NCAM1: variants seen among roughly 807,000 people sequenced by gnomAD.
The protein encoded by NCAM1 is neural cell adhesion molecule 1.
NCAM1 carries 14 observed loss-of-function variants against 109.8 expected under a neutral mutation model. That is an observed-to-expected ratio of 0.13 (90% CI 0.08 to 0.20). The LOEUF is 0.20. Ranked by LOEUF, NCAM1 falls within the 10% of genes least tolerant of loss-of-function variation. The probability of loss-of-function intolerance (pLI) is 1.00; values close to 1 mark genes in which losing one functional copy is unlikely to be tolerated. For missense variants in NCAM1, 774 were observed against 1,109.9 expected (o/e 0.70, Z 4.30); for synonymous variants, 418 against 442.9 (o/e 0.94, Z 0.70).
At chr11:113,142,010 G>A (rs1228721818) in intron 1 of NCAM1, among the ~76,000 whole-genome samples, 1 of 152,138 alleles carries the variant, frequency 6.6e-6, no homozygotes, top group Non-Finnish European at 1.5e-5. Context: ...AAGCTTAACT[G>A]TTTTGACAAA....
At chr11:113,024,798 C>T (rs1952488578) in intron 1 of NCAM1, among the ~76,000 whole-genome samples, 1 of 151,924 alleles carries the variant, frequency 6.6e-6, no homozygotes, top group South Asian at 2.1e-4. Context: ...ATTTTTTTGT[C>T]TAAAAATGCA....
At chr11:113,265,450 G>A (rs1409045937) in intron 17 of NCAM1, among the ~76,000 whole-genome samples, 1 of 152,162 alleles carries the variant, frequency 6.6e-6, no homozygotes, top group Non-Finnish European at 1.5e-5. Flanking sequence ...AACTGGGGAG[G>A]TGGTCACTAT....
Position 113,129,458 on chromosome 11 carries a change from A to AT in NCAM1, c.53-72913dup, listed in dbSNP as rs146536146. On this transcript the variant is annotated intron_variant, in intron 1 of 19. Transcript: ENST00000316851. ...AGGGACTCTATAGACAAGGACCTGT[A>AT]TTTTTTTTATGCCAGTAACAGTGAC... Among the ~76,000 whole-genome samples the AT allele has an allele frequency of 7.7e-3, 1,171 of 152,062 alleles. 14 individuals are homozygous for AT. Among genetic ancestry groups the AT allele is most frequent in the African/African-American group, 0.027 (1,100 of 41,496 alleles).
chr11:113,262,557 G>A (rs1169834020), intron 17 of NCAM1, among the ~76,000 whole-genome samples: 2 of 152,168 alleles, frequency 1.3e-5, no homozygotes, highest in Non-Finnish European at 1.5e-5. Context: ...TTCTGAACTG[G>A]CCTTATGGTA....
chr11:113,178,597 GACAA>G lies in NCAM1; in HGVS notation c.53-23778_53-23775del, dbSNP rs1943240660. ...ATGCTCTGCTTTTTTGCAAGTTTCT[GACAA>G]ACAGCCTGGTTTCTGGCAGATGGAG... On this transcript the variant is annotated intron_variant, in intron 1 of 19. Transcript: ENST00000316851. Among the ~76,000 whole-genome samples, 6 of 152,322 alleles carry G rather than the reference GACAA, an allele frequency of 3.9e-5. No individual in the cohort carries two copies. The South Asian group carries it at 1.2e-3, about 32-fold the overall frequency.
Position 113,235,168 on chromosome 11 carries a change from A to T in NCAM1, c.1825+4A>T. ...GAGTTCAAGACGCAGCCAGTCCGTA[A>T]GTAAAGCCAGCTGCCCCCCTTTTCC... On this transcript the variant is annotated splice_donor_region_variant and intron_variant, in intron 14 of 19. Coordinates refer to ENST00000316851, the MANE Select transcript of NCAM1 (RefSeq NM_181351.5). The T allele has an allele frequency of 6.2e-7, 1 of 1,613,946 alleles. No individual in the cohort carries two copies. Among genetic ancestry groups the T allele is most frequent in the Non-Finnish European group, 8.5e-7 (1 of 1,179,858 alleles).
At chr11:113,216,007 T>C (rs2137035364) in intron 8 of NCAM1, among the ~76,000 whole-genome samples, 1 of 152,326 alleles carries the variant, frequency 6.6e-6, no homozygotes, top group Middle Eastern at 3.4e-3. Flanking sequence ...AATATCTATC[T>C]CAGATGAATG....
chr11:113,059,191 A>T (rs1953829819), intron 1 of NCAM1, among the ~76,000 whole-genome samples: 2 of 152,208 alleles, frequency 1.3e-5, no homozygotes. Flanking sequence ...GTAAAATAGT[A>T]TAAATTAAAC....
intron 1 of NCAM1, among the ~76,000 whole-genome samples, chr11:113,009,331 T>TTTTTTTTTTTTTTTTTG (rs1565379756): frequency 7.3e-6 from 1 of 136,616 alleles, no homozygotes. Flanking sequence ...TTTTTTTTTT[T>TTTTTTTTTTTTTTTTTG]TTTTTTTTTT....
intron 1 of NCAM1, among the ~76,000 whole-genome samples, chr11:113,120,085 G>A (rs1385939296): frequency 6.6e-6 from 1 of 152,204 alleles, no homozygotes; most frequent in Non-Finnish European, 1.5e-5. Flanking sequence ...TCTCTCAGTT[G>A]TCTAAGAAGA....
chr11:113,213,505 C>T (rs1944445883), intron 7 of NCAM1, among the ~76,000 whole-genome samples: 1 of 152,328 alleles, frequency 6.6e-6, no homozygotes, highest in South Asian at 2.1e-4. Flanking sequence ...GAGCCCCCAT[C>T]CAGTTCCTTG....
chr11:113,017,561 C>T (rs1451446079), intron 1 of NCAM1, among the ~76,000 whole-genome samples: 1 of 151,676 alleles, frequency 6.6e-6, no homozygotes, highest in Non-Finnish European at 1.5e-5. Context: ...CGAAAACATC[C>T]TTCACTTCTG....
chr11:113,260,024 T>G, intron 16 of NCAM1, 122 bp from the exon 17 acceptor site: 1 of 872,764 alleles, frequency 1.1e-6, no homozygotes, highest in Non-Finnish European at 1.7e-6. Flanking sequence ...CTTCTTATTT[T>G]CATGATTTCA....
intron 1 of NCAM1, among the ~76,000 whole-genome samples, chr11:113,071,164 T>C (rs548703470): frequency 6.6e-6 from 1 of 152,206 alleles, no homozygotes; most frequent in African/African-American, 2.4e-5. Flanking sequence ...ATGACAGGTG[T>C]TGGTATGACT....
intron 9 of NCAM1, 148 bp downstream of exon 9, chr11:113,221,473 G>C (rs1944692649): frequency 1.3e-6 from 1 of 791,028 alleles, no homozygotes; most frequent in African/African-American, 1.7e-5. Flanking sequence ...CTTAGCAATA[G>C]TATCATTTTA....
intron 1 of NCAM1, among the ~76,000 whole-genome samples, chr11:113,029,110 G>A (rs17114705): frequency 0.19 from 28,595 of 152,078 alleles, 3,032 homozygotes; most frequent in East Asian, 0.27. Context: ...AACTTGGGCA[G>A]TAATGACTGA....
rs1485031717 is a variant in NCAM1, at chr11:113,024,139, C to A, written c.52+62475C>A. On this transcript the variant is annotated intron_variant, in intron 1 of 19. Coordinates refer to ENST00000316851, the MANE Select transcript of NCAM1 (RefSeq NM_181351.5). ...GAGCACTGCTTATGCTTGTGCATTG[C>A]TTGTGCCTCAGAGAATCTACTAGCA... Among the ~76,000 whole-genome samples, 7 of 152,158 alleles carry A rather than the reference C, an allele frequency of 4.6e-5. No individual in the cohort carries two copies. In the East Asian group the frequency reaches 1.4e-3, roughly 29 times the overall value.
At chr11:113,086,987 A>T (rs1939121459) in intron 1 of NCAM1, among the ~76,000 whole-genome samples, 1 of 152,230 alleles carries the variant, frequency 6.6e-6, no homozygotes, top group Non-Finnish European at 1.5e-5. Context: ...CAAGGTAAGT[A>T]AATAATTAAA....
chr11:113,188,738 C>T (rs1246060673), intron 1 of NCAM1, among the ~76,000 whole-genome samples: 1 of 152,152 alleles, frequency 6.6e-6, no homozygotes, highest in Admixed American at 6.5e-5. Context: ...TGTGACTTGA[C>T]ACAAACCAGT....
Sources: allele counts gnomAD v4.1 joint callset (sites outside exome capture counted in the v4.1 genomes callset), GRCh38; gene constraint gnomAD v4.1.1; transcripts MANE v1.5; gene names NCBI Gene and HGNC (gene_info 2026-07-23, HGNC 2026-07-21).